The following TSPEAR variants were observed in gnomAD, a reference collection of about 807,000 sequenced individuals.
The protein encoded by TSPEAR is thrombospondin type laminin G domain and EAR repeats, also known as thrombospondin-type laminin G domain and EAR repeat-containing protein.
A neutral mutation model predicts 71.6 loss-of-function variants in TSPEAR; 69 were observed. The ratio of observed to expected loss-of-function variants is 0.96; its 90% confidence interval spans 0.79 to 1.18. TSPEAR has a LOEUF of 1.18. Among genes scored for constraint, TSPEAR ranks in the 50% most tolerant of loss-of-function variants. The pLI, the probability that TSPEAR is intolerant of heterozygous loss-of-function variation, is 0.00. For missense variants in TSPEAR, 971 were observed against 894.9 expected (o/e 1.09, Z -1.09); for synonymous variants, 402 against 387.2 (o/e 1.04, Z -0.45).
intron 1 of TSPEAR, among the ~76,000 whole-genome samples, chr21:44,618,706 C>T (rs1273953272): frequency 1.3e-5 from 2 of 152,170 alleles, no homozygotes; most frequent in South Asian, 4.1e-4. Flanking sequence ...TTGCCTGTTT[C>T]GACCGTCTGG....
chr21:44,585,057 T>G (rs879992331), intron 1 of TSPEAR, among the ~76,000 whole-genome samples: 1 of 152,248 alleles, frequency 6.6e-6, no homozygotes, highest in South Asian at 2.1e-4. Context: ...AGATTTTCCT[T>G]GATGAGCATC....
In TSPEAR at chr21:44,677,578, G is replaced by A. The variant is rs1488250337; in HGVS notation, c.82+33855C>T. On this transcript the variant is annotated intron_variant, in intron 1 of 11. Coordinates refer to ENST00000323084, the MANE Select transcript of TSPEAR (RefSeq NM_144991.3). ...GAGGATGCTTCTTCTGAAAGTGCAGGTGTGGGTTTTCCTTCATCAATTGCA... is the reference window on the plus strand; with the variant it reads ...GAGGATGCTTCTTCTGAAAGTGCAGATGTGGGTTTTCCTTCATCAATTGCA... The A allele has an allele frequency of 5.1e-6, 5 of 988,426 alleles. No individual in the cohort carries two copies. In the East Asian group the frequency reaches 7.4e-5, roughly 15 times the overall value. 61.2% of individuals were successfully genotyped at this position (988,426 alleles called of 1,614,324 possible).
rs587756070 is a variant in TSPEAR at position 44,582,677 on chromosome 21, C to T, written c.83-14672G>A. On this transcript the variant is annotated intron_variant, in intron 1 of 11. Coordinates refer to ENST00000323084, the MANE Select transcript of TSPEAR (RefSeq NM_144991.3). The stretch of plus-strand genomic sequence containing the variant: ...CAACAGCTCCAGGGTCTCAGTGTGC[C>T]TGATCTAAGTCCACGCCCTGCGCTC... 2.6e-5 allele frequency among the ~76,000 whole-genome samples: 4 copies of T among 152,332 alleles called. No homozygotes were observed. The South Asian group carries it at 8.3e-4, about 32-fold the overall frequency.
At position 44,623,567 on chromosome 21, in the gene TSPEAR, C is replaced by T. The variant is rs1474490904; in HGVS notation, c.83-55562G>A. Among the ~76,000 whole-genome samples, 1 of 152,224 alleles carries T rather than the reference C, an allele frequency of 6.6e-6. No homozygotes were observed. The highest frequency in any genetic ancestry group is 2.4e-5 in the African/African-American group (1 of 41,454). ...TCTTGCTTCCATCTGTGATCATTTT[C>T]ATTCTGCCTAATTATCTTTTTATTT... On this transcript the variant is annotated intron_variant, in intron 1 of 11. Transcript: ENST00000323084. This position sits in a 1 kb window ranked among gnomAD's most constrained non-coding sequence, Gnocchi z 4.5.
intron 1 of TSPEAR, among the ~76,000 whole-genome samples, chr21:44,571,916 A>G (rs233277): frequency 0.18 from 28,065 of 152,272 alleles, 3,296 homozygotes; most frequent in Non-Finnish European, 0.25. Context: ...AGAATCCTCA[A>G]CAGAGCCCCA....
intron 8 of TSPEAR, among the ~76,000 whole-genome samples, chr21:44,524,461 A>C (rs1344644602): frequency 6.6e-6 from 1 of 152,030 alleles, no homozygotes; most frequent in East Asian, 1.9e-4. Context: ...TCAGCCAGTC[A>C]GGTAGTTAGG....
intron 1 of TSPEAR, among the ~76,000 whole-genome samples, chr21:44,629,024 G>C (rs1555935251): frequency 6.6e-6 from 1 of 152,166 alleles, no homozygotes; most frequent in African/African-American, 2.4e-5. Context: ...GTCCAGACCA[G>C]ACAGCAGGAA....
At position 44,647,259 on chromosome 21, in the gene TSPEAR, C is replaced by T. The variant is rs782653309; in HGVS notation, c.82+64174G>A. ...CCACCTCCTCCTGCCAGTCCAGCTG[C>T]TGCCGCCCGGCCTCCTGCGTGTCCC... is the stretch of plus-strand genomic sequence containing the variant. On this transcript the variant is annotated intron_variant, in intron 1 of 11. Transcript: ENST00000323084. The T allele has an allele frequency of 3.1e-6, 5 of 1,602,482 alleles. No individual in the cohort carries two copies. The East Asian group carries it at 9.0e-5, about 29-fold the overall frequency.
At chr21:44,654,633 G>A (rs879994134) in intron 1 of TSPEAR, 2 of 1,499,900 alleles carry the variant, frequency 1.3e-6, no homozygotes, top group Non-Finnish European at 1.8e-6. Context: ...GTGGACAGGT[G>A]GGGGGCGCAG....
intron 1 of TSPEAR, among the ~76,000 whole-genome samples, chr21:44,641,981 C>T (rs587748330): frequency 1.3e-5 from 2 of 152,248 alleles, no homozygotes; most frequent in East Asian, 3.9e-4. Flanking sequence ...AATCCACAGA[C>T]ACCCATCAAG....
intron 1 of TSPEAR, among the ~76,000 whole-genome samples, chr21:44,571,255 G>A (rs1215597442): frequency 6.6e-6 from 1 of 152,246 alleles, no homozygotes; most frequent in Non-Finnish European, 1.5e-5. Flanking sequence ...TGGCTATGTT[G>A]CCCAGGCTGA....
At chr21:44,516,525 G>A (rs1478429316) in intron 9 of TSPEAR, 4 of 152,252 alleles carry the variant, frequency 2.6e-5, no homozygotes, top group African/African-American at 9.7e-5. Flanking sequence ...AGCAGCCTGG[G>A]TTGTACCTCC....
chr21:44,574,487 C>T lies in TSPEAR; in HGVS notation c.83-6482G>A, dbSNP rs782091357. 8 of 1,612,150 alleles carry T rather than the reference C, an allele frequency of 5.0e-6. No individual in the cohort carries two copies. In the African/African-American group the frequency reaches 8.1e-5, roughly 16 times the overall value. On this transcript the variant is annotated intron_variant, in intron 1 of 11. Transcript: ENST00000323084. ...AGACTGTCTGCTGCAAGCCTGTGTGCTCTGAGGATTCCTCTTCATGCTGCC... is the reference window on the plus strand; with the variant it reads ...AGACTGTCTGCTGCAAGCCTGTGTGTTCTGAGGATTCCTCTTCATGCTGCC...
Position 44,612,226 on chromosome 21 carries a change from G to C in TSPEAR, c.83-44221C>G. 6.2e-7 allele frequency: 1 copy of C among 1,613,892 alleles called. No homozygotes were observed. The highest frequency in any genetic ancestry group is 8.5e-7 in the Non-Finnish European group (1 of 1,180,010). On this transcript the variant is annotated intron_variant, in intron 1 of 11. Transcript: ENST00000323084. This position sits in a 1 kb window ranked among gnomAD's most constrained non-coding sequence, Gnocchi z 4.1. ...GCACCTGCACTGGCTCCTCCTGGCA[G>C]GTGGACAATTGCCAGGAAAGCTGCT...
At chr21:44,540,140 G>C (rs1569174765) in intron 2 of TSPEAR, 2 of 1,613,358 alleles carry the variant, frequency 1.2e-6, no homozygotes, top group East Asian at 2.2e-5. Flanking sequence ...GGACATGGTG[G>C]ACGCGGCCAT....
At position 44,529,865 on chromosome 21, in the gene TSPEAR, G is replaced by A. The variant is rs587768126; in HGVS notation, c.723C>T (p.Ser241=). 6.2e-6 allele frequency: 10 copies of A among 1,613,776 alleles called. No homozygotes were observed. Among genetic ancestry groups the A allele is most frequent in the African/African-American group, 1.3e-5 (1 of 75,044 alleles). Reference sequence around the variant, plus strand: ...TGAGAGCCTGCAGGACCCGTGGGATGGACAGCACCGCCAGCGGGGCGTTCC... The same window carrying A: ...TGAGAGCCTGCAGGACCCGTGGGATAGACAGCACCGCCAGCGGGGCGTTCC... ...PSRNAPLAVL[S]IPRVLQALTG... is the part of the protein sequence containing the mutation. Residue 241 remains serine (S), a synonymous_variant, in exon 5 of 12, where the codon TCC becomes TCT. Transcript: ENST00000323084.
At chr21:44,698,093 A>AGGGGAAG in intron 1 of TSPEAR, 1 of 935,872 alleles carries the variant, frequency 1.1e-6, no homozygotes, top group Non-Finnish European at 1.6e-6. Context: ...CTCTTCCCCT[A>AGGGGAAG]AGCCCTGGGG....
At chr21:44,705,504 CT>C (rs1373829973) in intron 1 of TSPEAR, among the ~76,000 whole-genome samples, 1 of 152,224 alleles carries the variant, frequency 6.6e-6, no homozygotes, top group African/African-American at 2.4e-5. Context: ...TCGCTGAATT[CT>C]TTTTCTCAGC....
chr21:44,661,058 G>A (rs144001853), intron 1 of TSPEAR, among the ~76,000 whole-genome samples: 5,893 of 152,216 alleles, frequency 0.039, 125 homozygotes, highest in Middle Eastern at 0.086. Flanking sequence ...TTGGGAGGCC[G>A]AGGCAAGCAG....
Sources: allele counts gnomAD v4.1 joint callset (sites outside exome capture counted in the v4.1 genomes callset), GRCh38; gene constraint gnomAD v4.1.1; non-coding constraint Gnocchi (gnomAD v3.1); transcripts MANE v1.5; gene names NCBI Gene and HGNC (gene_info 2026-07-23, HGNC 2026-07-21).